NEGR1: variants seen among roughly 807,000 people sequenced by gnomAD.
NEGR1 encodes neuronal growth regulator 1.
NEGR1 carries 10 observed loss-of-function variants against 40.9 expected under a neutral mutation model. The observed-to-expected ratio is 0.24, with a 90% CI of 0.15 to 0.42. NEGR1 has a LOEUF of 0.42. Among genes scored for constraint, NEGR1 ranks in the 10% least tolerant of loss-of-function variants. The probability of loss-of-function intolerance (pLI) is 1.00; values close to 1 mark genes in which losing one functional copy is unlikely to be tolerated. For synonymous variants in NEGR1, 185 were observed against 166.8 expected, an observed-to-expected ratio of 1.11 and a Z score of -0.84; for missense variants, 352 against 438.9, an observed-to-expected ratio of 0.80 and a Z score of 1.77.
At chr1:71,446,116 G>A (rs1281727135) in intron 6 of NEGR1, among the ~76,000 whole-genome samples, 1 of 152,142 alleles carries the variant, frequency 6.6e-6, no homozygotes. Context: ...TGAGCATGGA[G>A]GACTTAATGT....
At chr1:71,638,877 T>C (rs1421823389) in intron 4 of NEGR1, among the ~76,000 whole-genome samples, 2 of 151,946 alleles carry the variant, frequency 1.3e-5, no homozygotes. Context: ...ATTCAAAATA[T>C]GTCACTAGAT....
intron 6 of NEGR1, among the ~76,000 whole-genome samples, chr1:71,555,370 C>T (rs559141627): frequency 7.3e-5 from 11 of 151,654 alleles, no homozygotes; most frequent in South Asian, 4.2e-4. Flanking sequence ...AGGCTGCCCA[C>T]GTGCCATGTT....
chr1:71,543,785 G>T (rs768695882), intron 6 of NEGR1, among the ~76,000 whole-genome samples: 65 of 151,748 alleles, frequency 4.3e-4, no homozygotes, highest in Admixed American at 7.9e-4. Context: ...AAAAATCTCA[G>T]TTATGACCAA....
chr1:72,159,147 G>A (rs976408403), intron 1 of NEGR1, among the ~76,000 whole-genome samples: 22 of 152,016 alleles, frequency 1.4e-4, no homozygotes, highest in Admixed American at 1.4e-3. Flanking sequence ...TGCTGATTTT[G>A]ATACTTCGGT....
chr1:72,038,942 T>A (rs552327267), intron 1 of NEGR1, among the ~76,000 whole-genome samples: 1 of 151,964 alleles, frequency 6.6e-6, no homozygotes, highest in Admixed American at 6.6e-5. Context: ...AATTATCTAA[T>A]ATGAATATAA....
intron 6 of NEGR1, among the ~76,000 whole-genome samples, chr1:71,568,502 T>C (rs569819814): frequency 4.6e-5 from 7 of 152,252 alleles, no homozygotes; most frequent in Non-Finnish European, 1.0e-4. Flanking sequence ...AATAAGAAAT[T>C]TGTTCATTAC....
intron 1 of NEGR1, among the ~76,000 whole-genome samples, chr1:72,028,108 C>G (rs962799485): frequency 6.6e-6 from 1 of 152,182 alleles, no homozygotes; most frequent in East Asian, 1.9e-4. Flanking sequence ...GTTAGCCTAA[C>G]CAATTATCTT....
chr1:71,685,323 C>CTT (rs10667208), intron 4 of NEGR1, among the ~76,000 whole-genome samples: 38,391 of 136,356 alleles, frequency 0.28, 6,618 homozygotes, highest in East Asian at 0.47. Flanking sequence ...ATTGACATTA[C>CTT]TTTTTTTTTT....
At chr1:71,424,128 A>G (rs1646414831) in intron 6 of NEGR1, among the ~76,000 whole-genome samples, 1 of 152,126 alleles carries the variant, frequency 6.6e-6, no homozygotes, top group African/African-American at 2.4e-5. Flanking sequence ...TGATAAACAA[A>G]TTCTCACCAT....
intron 1 of NEGR1, among the ~76,000 whole-genome samples, chr1:72,157,736 C>T (rs574299250): frequency 6.6e-6 from 1 of 152,230 alleles, no homozygotes; most frequent in African/African-American, 2.4e-5. Flanking sequence ...GAATCCAAGG[C>T]AATACCACTT....
intron 6 of NEGR1, among the ~76,000 whole-genome samples, chr1:71,492,788 C>T (rs1646938194): frequency 6.6e-6 from 1 of 152,042 alleles, no homozygotes; most frequent in Admixed American, 6.6e-5. Context: ...AATTCAACGA[C>T]AGACATACTG....
intron 1 of NEGR1, among the ~76,000 whole-genome samples, chr1:72,235,003 CA>C (rs1240988743): frequency 6.6e-6 from 1 of 152,030 alleles, no homozygotes; most frequent in Non-Finnish European, 1.5e-5. Flanking sequence ...TTAGCAAAGA[CA>C]TGGAATTAAC....
At chr1:72,115,201 T>TTA (rs140758637) in intron 1 of NEGR1, among the ~76,000 whole-genome samples, 13 of 145,494 alleles carry the variant, frequency 8.9e-5, no homozygotes, top group Admixed American at 3.4e-4. Context: ...TTGTGGTCTT[T>TTA]TATATATATA....
intron 1 of NEGR1, among the ~76,000 whole-genome samples, chr1:72,018,940 T>C (rs75541267): frequency 8.6e-4 from 131 of 152,238 alleles, no homozygotes; most frequent in Middle Eastern, 3.4e-3. Flanking sequence ...GAATATGCTA[T>C]GGAAGAGCAG....
intron 2 of NEGR1, chr1:71,794,399 T>C (rs1454442058): frequency 6.6e-6 from 1 of 151,976 alleles, no homozygotes; most frequent in Non-Finnish European, 1.5e-5. Context: ...CGGGAAAAAA[T>C]ACAGCCTAGA....
At chr1:72,216,319 C>A (rs1322546767) in intron 1 of NEGR1, among the ~76,000 whole-genome samples, 1 of 147,498 alleles carries the variant, frequency 6.8e-6, no homozygotes, top group Non-Finnish European at 1.5e-5. Context: ...CACATGTATA[C>A]CTATGTAACA....
chr1:72,116,771 A>G (rs1195869771), intron 1 of NEGR1, among the ~76,000 whole-genome samples: 1 of 151,780 alleles, frequency 6.6e-6, no homozygotes, highest in Non-Finnish European at 1.5e-5. Context: ...AATAGTCTGT[A>G]AAAGTGTTTA....
chr1:71,600,042 T>C (rs146989032), intron 5 of NEGR1, among the ~76,000 whole-genome samples: 163 of 152,306 alleles, frequency 1.1e-3, no homozygotes, highest in African/African-American at 3.7e-3. Flanking sequence ...AGAAACTATA[T>C]TCACAAAGAA....
At chr1:71,544,343 A>T (rs1167610475) in intron 6 of NEGR1, among the ~76,000 whole-genome samples, 2 of 151,702 alleles carry the variant, frequency 1.3e-5, no homozygotes, top group African/African-American at 4.8e-5. Context: ...AGGTACTGTC[A>T]TTTACTAGTT....
Sources: allele counts gnomAD v4.1 joint callset (sites outside exome capture counted in the v4.1 genomes callset), GRCh38; gene constraint gnomAD v4.1.1; transcripts MANE v1.5; gene names NCBI Gene and HGNC (gene_info 2026-07-23, HGNC 2026-07-21).